TMTC2: variants seen among roughly 807,000 people sequenced by gnomAD.
TMTC2 encodes protein O-mannosyl-transferase TMTC2.
TMTC2 carries 43 observed loss-of-function variants against 82.4 expected under a neutral mutation model. The observed-to-expected ratio is 0.52, with a 90% CI of 0.41 to 0.67. The LOEUF is 0.67. Among genes scored for constraint, TMTC2 ranks in the 30% least tolerant of loss-of-function variants. TMTC2 has a pLI of 0.00. For synonymous variants in TMTC2, 408 were observed against 381.9 expected, an observed-to-expected ratio of 1.07 and a Z score of -0.80; for missense variants, 919 against 1,012.4, an observed-to-expected ratio of 0.91 and a Z score of 1.25.
chr12:82,752,221 A>C (rs1215497954), intron 1 of TMTC2, among the ~76,000 whole-genome samples: 2 of 139,732 alleles, frequency 1.4e-5, no homozygotes, highest in Non-Finnish European at 3.0e-5. Flanking sequence ...GTGGTGACTC[A>C]CGCCTGTAAT....
At chr12:82,815,954 A>G (rs1034646651) in intron 1 of TMTC2, among the ~76,000 whole-genome samples, 3 of 152,088 alleles carry the variant, frequency 2.0e-5, no homozygotes, top group African/African-American at 7.2e-5. Flanking sequence ...TAATGCTTCT[A>G]ATAGACCTGT....
At position 82,739,631 on chromosome 12, in the gene TMTC2, A is replaced by G. The variant is rs1875297660; in HGVS notation, c.83+51962A>G. Among the ~76,000 whole-genome samples the G allele has an allele frequency of 2.0e-5, 3 of 151,496 alleles. No homozygotes were observed. The South Asian group carries it at 6.3e-4, about 32-fold the overall frequency. On this transcript the variant is annotated intron_variant, in intron 1 of 11. Coordinates refer to ENST00000321196, the MANE Select transcript of TMTC2 (RefSeq NM_152588.3). ...CTTTTTGGAATTTCTATTTATTTTT[A>G]TTTCTATTTATTTCTATAAGACATT...
At chr12:82,764,618 G>T (rs1157267889) in intron 1 of TMTC2, among the ~76,000 whole-genome samples, 1 of 152,090 alleles carries the variant, frequency 6.6e-6, no homozygotes, top group African/African-American at 2.4e-5. Flanking sequence ...TCTGTCAATC[G>T]AGAAAAATGA....
intron 4 of TMTC2, among the ~76,000 whole-genome samples, chr12:82,938,304 G>C (rs1485668517): frequency 1.3e-5 from 2 of 152,108 alleles, no homozygotes; most frequent in African/African-American, 4.8e-5. Context: ...ACAATGGTCA[G>C]AGATTGCAGA....
chr12:83,027,888 A>G (rs2137417324), intron 8 of TMTC2, among the ~76,000 whole-genome samples: 1 of 152,334 alleles, frequency 6.6e-6, no homozygotes, highest in South Asian at 2.1e-4. Context: ...GAGAGATTTT[A>G]CTACCCTGTT....
At position 82,846,738 on chromosome 12, in the gene TMTC2, A is replaced by G. The variant is rs973723513; in HGVS notation, c.84-10272A>G. Among the ~76,000 whole-genome samples the G allele has an allele frequency of 9.2e-5, 14 of 152,132 alleles. 1 individual carries two copies. The highest frequency in any genetic ancestry group is 3.1e-4 in the African/African-American group (13 of 41,390). On this transcript the variant is annotated intron_variant, in intron 1 of 11. Coordinates refer to ENST00000321196, the MANE Select transcript of TMTC2 (RefSeq NM_152588.3). ...CGCTGACCATTGGGTGTCTGACAACAGGCTCTTTAATAACTTCCTGTATTC... is the reference window on the plus strand; with the variant it reads ...CGCTGACCATTGGGTGTCTGACAACGGGCTCTTTAATAACTTCCTGTATTC...
At chr12:82,947,692 A>C (rs1426206581) in intron 4 of TMTC2, among the ~76,000 whole-genome samples, 1 of 152,132 alleles carries the variant, frequency 6.6e-6, no homozygotes, top group African/African-American at 2.4e-5. Context: ...CAAGTTGGCC[A>C]TTTCTTACGC....
chr12:83,046,102 C>T (rs1012846416), intron 9 of TMTC2, among the ~76,000 whole-genome samples: 2 of 152,096 alleles, frequency 1.3e-5, no homozygotes, highest in African/African-American at 2.4e-5. Flanking sequence ...AAACATGCCT[C>T]GGTATCTCCT....
rs138363219 is a variant in TMTC2 at position 82,896,160 on chromosome 12, G to A, written c.997G>A (p.Val333Ile). 207 of 1,613,920 alleles carry A rather than the reference G, an allele frequency of 1.3e-4. No homozygotes were observed. The highest frequency in any genetic ancestry group is 2.5e-4 in the African/African-American group (19 of 74,940). ...LAYYGLKSPS[V>I]DRECNGKTVT... ...CTACTATGGTTTGAAGAGCCCGAGCGTAGACAGAGAATGCAATGGGAAAAC... is the reference window on the plus strand; with the variant it reads ...CTACTATGGTTTGAAGAGCCCGAGCATAGACAGAGAATGCAATGGGAAAAC... The change falls in exon 3 of 12, where the codon GTA becomes ATA. Residue 333 changes from valine to isoleucine, a missense_variant. Physicochemically the swap from Val to Ile is conservative, Grantham distance 29. Transcript: ENST00000321196.
chr12:83,009,450 C>T (rs761990819), intron 8 of TMTC2, among the ~76,000 whole-genome samples: 7 of 151,726 alleles, frequency 4.6e-5, no homozygotes, highest in East Asian at 3.9e-4. Flanking sequence ...TTTGCTTCTG[C>T]GTCAGAAAAG....
intron 2 of TMTC2, among the ~76,000 whole-genome samples, chr12:82,887,767 C>G (rs906443742): frequency 2.6e-5 from 4 of 151,990 alleles, no homozygotes; most frequent in African/African-American, 9.7e-5. Flanking sequence ...TAAAAATGAA[C>G]ATATTTGAAC....
intron 1 of TMTC2, among the ~76,000 whole-genome samples, chr12:82,855,719 A>G (rs1871232123): frequency 6.6e-6 from 1 of 152,240 alleles, no homozygotes; most frequent in African/African-American, 2.4e-5. Context: ...GCCACATTCA[A>G]TGTTTGTACC....
chr12:82,967,295 A>C (rs1878255093), intron 7 of TMTC2, among the ~76,000 whole-genome samples: 1 of 152,142 alleles, frequency 6.6e-6, no homozygotes, highest in Non-Finnish European at 1.5e-5. Context: ...GAAATAAATA[A>C]GCTATATATA....
At chr12:82,913,700 T>C (rs775180410) in intron 3 of TMTC2, among the ~76,000 whole-genome samples, 2 of 152,220 alleles carry the variant, frequency 1.3e-5, no homozygotes, top group Non-Finnish European at 2.9e-5. Flanking sequence ...AGTATAACTT[T>C]CTGAATTGTA....
intron 2 of TMTC2, among the ~76,000 whole-genome samples, chr12:82,869,650 G>A (rs1197914392): frequency 1.3e-5 from 2 of 151,794 alleles, no homozygotes; most frequent in South Asian, 2.1e-4. Context: ...ACCAGCCTGA[G>A]CAACATGGTG....
intron 6 of TMTC2, chr12:82,966,073 A>G (rs1238063489): frequency 1.0e-5 from 3 of 297,018 alleles, no homozygotes; most frequent in African/African-American, 2.1e-5. Flanking sequence ...TTTGCTCACC[A>G]TTTCTTTGGT....
chr12:82,825,665 G>T (rs1592553244), intron 1 of TMTC2, among the ~76,000 whole-genome samples: 1 of 152,220 alleles, frequency 6.6e-6, no homozygotes, highest in East Asian at 1.9e-4. Context: ...CCAAATATGT[G>T]TATGTATTTA....
chr12:83,001,371 G>A (rs1879913330), intron 8 of TMTC2, among the ~76,000 whole-genome samples: 1 of 151,954 alleles, frequency 6.6e-6, no homozygotes, highest in Non-Finnish European at 1.5e-5. Context: ...AGCACGGTGG[G>A]TAATGCCTGT....
rs191142810 is a variant in TMTC2 at position 82,927,656 on chromosome 12, A to G, written c.1484-2775A>G. 2.0e-5 allele frequency among the ~76,000 whole-genome samples: 3 copies of G among 152,324 alleles called. No homozygotes were observed. In the East Asian group the frequency reaches 5.8e-4, roughly 29 times the overall value. On this transcript the variant is annotated intron_variant, in intron 3 of 11. Transcript: ENST00000321196. ...TTCGTGAAAGGAAGAGTTAATTGAT[A>G]TGGCAGACTTTATGTTGTCTTATTT...
Sources: allele counts gnomAD v4.1 joint callset (sites outside exome capture counted in the v4.1 genomes callset), GRCh38; gene constraint gnomAD v4.1.1; transcripts MANE v1.5; gene names NCBI Gene and HGNC (gene_info 2026-07-23, HGNC 2026-07-21).